PHF21B: variants seen among roughly 807,000 people sequenced by gnomAD.
PHF21B encodes PHD finger protein 21B, also known as PHD finger protein 4.
PHF21B carries 22 observed loss-of-function variants against 62.2 expected under a neutral mutation model. That is an observed-to-expected ratio of 0.35 (90% CI 0.25 to 0.51). The LOEUF (loss-of-function observed/expected upper bound fraction) is 0.51, where lower values mean the gene tolerates loss of function less well. Ranked by LOEUF, PHF21B falls within the 20% of genes least tolerant of loss-of-function variation. PHF21B has a pLI of 0.97. For synonymous variants in PHF21B, 341 were observed against 314.7 expected, an observed-to-expected ratio of 1.08 and a Z score of -0.88; for missense variants, 701 against 707.9, an observed-to-expected ratio of 0.99 and a Z score of 0.11.
chr22:44,955,670 C>T (rs1601641081), intron 2 of PHF21B, among the ~76,000 whole-genome samples: 1 of 152,190 alleles, frequency 6.6e-6, no homozygotes, highest in South Asian at 2.1e-4. Context: ...GGGACTTACC[C>T]ACCAGACCCT....
At chr22:44,988,084 G>C (rs990976900) in intron 2 of PHF21B, among the ~76,000 whole-genome samples, 6 of 152,224 alleles carry the variant, frequency 3.9e-5, no homozygotes, top group African/African-American at 1.4e-4. Flanking sequence ...AGGAAGCAGA[G>C]CCTAGGGAGA....
chr22:44,921,428 G>A (rs1425621511), intron 2 of PHF21B, among the ~76,000 whole-genome samples: 2 of 151,286 alleles, frequency 1.3e-5, no homozygotes, highest in African/African-American at 4.9e-5. Context: ...GTGCAGTGGC[G>A]CGATCTCGGC....
At chr22:44,891,963 G>C (rs955523671) in intron 7 of PHF21B, among the ~76,000 whole-genome samples, 1 of 152,220 alleles carries the variant, frequency 6.6e-6, no homozygotes, top group Non-Finnish European at 1.5e-5. Context: ...GGTGTGGTCA[G>C]GCTGTGGACC....
At chr22:44,982,713 G>C in intron 2 of PHF21B, among the ~76,000 whole-genome samples, 1 of 152,188 alleles carries the variant, frequency 6.6e-6, no homozygotes, top group African/African-American at 2.4e-5. Flanking sequence ...TTTGTAACAA[G>C]GTTTACAGAG....
At chr22:44,985,033 G>A (rs911925940) in intron 2 of PHF21B, among the ~76,000 whole-genome samples, 2 of 152,210 alleles carry the variant, frequency 1.3e-5, no homozygotes, top group Non-Finnish European at 2.9e-5. Flanking sequence ...TCTGCAGGGG[G>A]TTGTCAGCAG....
intron 2 of PHF21B, among the ~76,000 whole-genome samples, chr22:44,924,585 G>A (rs1303170381): frequency 6.6e-6 from 1 of 152,160 alleles, no homozygotes; most frequent in Admixed American, 6.5e-5. Flanking sequence ...TTCTCTCTCT[G>A]CCATGGGCAA....
rs948464793 is a variant in PHF21B at position 45,009,008 on chromosome 22, C to T, written c.55-398G>A. 42 of 1,113,190 alleles carry T rather than the reference C, an allele frequency of 3.8e-5. No individual in the cohort carries two copies. Among genetic ancestry groups the T allele is most frequent in the Non-Finnish European group, 4.6e-5 (42 of 912,614 alleles). The allele number at this position is 1,113,190 out of a possible 1,614,324, so 69.0% of individuals were successfully genotyped here. A position where few individuals can be genotyped will look rare whatever the true frequency, so the allele number is the denominator to read the frequency against. ...AGCTCATAAATATTCAAGTCGCGTC[C>T]TAATCTCCCCAACACACACACGCGC... is the stretch of plus-strand genomic sequence containing the variant. On this transcript the variant is annotated intron_variant, in intron 1 of 12. Coordinates refer to ENST00000313237, the MANE Select transcript of PHF21B (RefSeq NM_138415.5). This position sits in a 1 kb window ranked among gnomAD's most constrained non-coding sequence, Gnocchi z 5.9.
At chr22:44,995,669 A>G (rs1414441327) in intron 2 of PHF21B, among the ~76,000 whole-genome samples, 1 of 152,232 alleles carries the variant, frequency 6.6e-6, no homozygotes, top group East Asian at 1.9e-4. Context: ...AAGGTTCTAG[A>G]ATCTTCGGCG....
At chr22:44,951,230 C>A (rs1036938135) in intron 2 of PHF21B, among the ~76,000 whole-genome samples, 1 of 152,196 alleles carries the variant, frequency 6.6e-6, no homozygotes, top group Non-Finnish European at 1.5e-5. Context: ...GCCAGCATCA[C>A]CGCCTCAGCT....
At chr22:44,889,724 C>A in intron 9 of PHF21B, 36 bp downstream of exon 9, 2 of 1,581,396 alleles carry the variant, frequency 1.3e-6, no homozygotes, top group South Asian at 1.2e-5. Context: ...CATTCTCCAC[C>A]CCGGAAGTGT....
intron 2 of PHF21B, among the ~76,000 whole-genome samples, chr22:44,930,008 A>G (rs1473297578): frequency 6.6e-6 from 1 of 152,232 alleles, no homozygotes; most frequent in Non-Finnish European, 1.5e-5. Context: ...GAGGAACCAG[A>G]AAGTTCTCAT....
chr22:44,930,812 G>A (rs999636983), intron 2 of PHF21B, among the ~76,000 whole-genome samples: 16 of 152,194 alleles, frequency 1.1e-4, no homozygotes, highest in East Asian at 5.8e-4. Flanking sequence ...GCGCAAGGGC[G>A]GCACCCCCCA....
At chr22:44,910,620 T>C (rs891507977) in intron 5 of PHF21B, among the ~76,000 whole-genome samples, 1 of 152,234 alleles carries the variant, frequency 6.6e-6, no homozygotes, top group Non-Finnish European at 1.5e-5. Context: ...GCCATCCATG[T>C]AAGATGTAAC....
intron 2 of PHF21B, among the ~76,000 whole-genome samples, chr22:44,952,748 G>T (rs1180697436): frequency 6.6e-6 from 1 of 152,172 alleles, no homozygotes; most frequent in Non-Finnish European, 1.5e-5. Flanking sequence ...TATCATTTTT[G>T]AAGAGCTATA....
chr22:45,007,114 C>G (rs984463960), intron 2 of PHF21B, among the ~76,000 whole-genome samples: 2 of 150,242 alleles, frequency 1.3e-5, no homozygotes, highest in African/African-American at 4.9e-5. Flanking sequence ...GGGGGGGCCG[C>G]GGCACCAACT....
chr22:44,993,133 C>T (rs2147509448), intron 2 of PHF21B, among the ~76,000 whole-genome samples: 1 of 152,326 alleles, frequency 6.6e-6, no homozygotes. Context: ...TGTGCGGCAT[C>T]TCAGGGTGGG....
At chr22:44,944,784 G>A (rs1383060461) in intron 2 of PHF21B, among the ~76,000 whole-genome samples, 1 of 152,230 alleles carries the variant, frequency 6.6e-6, no homozygotes, top group African/African-American at 2.4e-5. Flanking sequence ...GGTGAATGGA[G>A]GAAGAAACCC....
intron 2 of PHF21B, among the ~76,000 whole-genome samples, chr22:44,978,821 T>C (rs1335064867): frequency 1.3e-5 from 2 of 152,360 alleles, no homozygotes; most frequent in East Asian, 1.9e-4. Context: ...GTTGACAAGA[T>C]GGTTTCATTC....
At chr22:44,968,050 T>G (rs2072563664) in intron 2 of PHF21B, among the ~76,000 whole-genome samples, 1 of 152,138 alleles carries the variant, frequency 6.6e-6, no homozygotes, top group African/African-American at 2.4e-5. Context: ...TTGACCTTGG[T>G]GACCTGGCTG....
Sources: allele counts gnomAD v4.1 joint callset (sites outside exome capture counted in the v4.1 genomes callset), GRCh38; gene constraint gnomAD v4.1.1; non-coding constraint Gnocchi (gnomAD v3.1); transcripts MANE v1.5; gene names NCBI Gene and HGNC (gene_info 2026-07-23, HGNC 2026-07-21).